DSC2: variants seen among roughly 807,000 people sequenced by gnomAD.
DSC2 encodes the protein desmocollin-2.
DSC2 carries 51 observed loss-of-function variants against 87.6 expected under a neutral mutation model. The ratio of observed to expected loss-of-function variants is 0.58; its 90% CI spans 0.46 to 0.74. The LOEUF is 0.74. Ranked by LOEUF, DSC2 falls within the 30% of genes least tolerant of loss-of-function variation. The pLI, the probability that DSC2 is intolerant of heterozygous loss-of-function variation, is 0.00. For missense variants in DSC2, 1,066 were observed against 1,089.5 expected (o/e 0.98, Z 0.30); for synonymous variants, 383 against 393.2 (o/e 0.97, Z 0.31).
At chr18:31,091,990 CG>C in intron 3 of DSC2, 110 bp downstream of exon 3, 1 of 1,141,870 alleles carries the variant, frequency 8.8e-7, no homozygotes, top group Non-Finnish European at 1.2e-6. Flanking sequence ...GGTTTTCATT[CG>C]TCTTTAAGCC....
chr18:31,068,533 T>C (rs1231991513), intron 15 of DSC2, among the ~76,000 whole-genome samples: 1 of 152,188 alleles, frequency 6.6e-6, no homozygotes, highest in Non-Finnish European at 1.5e-5. Context: ...CAAATTGATA[T>C]GGGCTCAGTT....
intron 5 of DSC2, 149 bp from the exon 6 acceptor site, chr18:31,087,962 T>A: frequency 2.5e-6 from 2 of 800,648 alleles, no homozygotes; most frequent in Non-Finnish European, 4.0e-6. Context: ...TGGATATAAT[T>A]TTAATGCCAA....
At chr18:31,101,831 G>A in intron 1 of DSC2, 72 bp downstream of exon 1, 5 of 511,380 alleles carry the variant, frequency 9.8e-6, no homozygotes, top group Non-Finnish European at 1.1e-5. Context: ...ACCTATCCCC[G>A]TTCCCCTAGT....
chr18:31,093,881 T>TA (rs1033730333), intron 1 of DSC2, among the ~76,000 whole-genome samples: 16 of 150,556 alleles, frequency 1.1e-4, no homozygotes, highest in African/African-American at 3.9e-4. Context: ...TTATTATAAA[T>TA]AAAACATAAA....
chr18:31,091,161 A>G lies in DSC2; in HGVS notation c.355-14T>C. 1.9e-6 allele frequency: 3 copies of G among 1,613,616 alleles called. No homozygotes were observed. Among genetic ancestry groups the G allele is most frequent in the Non-Finnish European group, 2.5e-6 (3 of 1,179,668 alleles). On this transcript the variant is annotated splice_polypyrimidine_tract_variant and intron_variant, in intron 3 of 15. Coordinates refer to ENST00000280904, the MANE Select transcript of DSC2 (RefSeq NM_024422.6). ...TTTCTTTAGGACCTCAATTCATAAGACAGGAAAAAATAATAAAGTCAATGA... is the reference window on the plus strand; with the variant it reads ...TTTCTTTAGGACCTCAATTCATAAGGCAGGAAAAAATAATAAAGTCAATGA...
At chr18:31,101,820 C>CCCAAA in intron 1 of DSC2, 83 bp downstream of exon 1, 2 of 1,409,788 alleles carry the variant, frequency 1.4e-6, no homozygotes, top group Non-Finnish European at 1.9e-6. Context: ...CCGCCACCCC[C>CCCAAA]ACCTATCCCC....
At chr18:31,079,030 C>T (rs1418550505) in intron 11 of DSC2, among the ~76,000 whole-genome samples, 2 of 151,594 alleles carry the variant, frequency 1.3e-5, no homozygotes, top group Non-Finnish European at 1.5e-5. Flanking sequence ...ATAAATATAC[C>T]ATGATTTATT....
chr18:31,098,284 A>G (rs1161292507), intron 1 of DSC2, among the ~76,000 whole-genome samples: 1 of 152,116 alleles, frequency 6.6e-6, no homozygotes, highest in Non-Finnish European at 1.5e-5. Flanking sequence ...AACATATTTT[A>G]CATTTAAATC....
At chr18:31,074,613 T>C (rs186907843) in intron 12 of DSC2, 70 bp downstream of exon 12, 596 of 1,394,892 alleles carry the variant, frequency 4.3e-4, no homozygotes, top group Non-Finnish European at 5.6e-4. Context: ...TCCTATTTCA[T>C]ACAAAAAAAA....
chr18:31,097,515 A>G lies in DSC2; in HGVS notation c.70-3872T>C, dbSNP rs951592379. On this transcript the variant is annotated intron_variant, in intron 1 of 15. Transcript: ENST00000280904. ...TTTGATACCAATAAAAACCTCCATA[A>G]AATTTTCTCTGGAACTAAACAAGCT... Among the ~76,000 whole-genome samples, 9 of 151,926 alleles carry G rather than the reference A, an allele frequency of 5.9e-5. No homozygotes were observed. The East Asian group carries it at 1.7e-3, about 29-fold the overall frequency.
chr18:31,059,149 C>G lies in DSC2; in HGVS notation c.*8866G>C, dbSNP rs769898140. 1 of 152,094 alleles carries G rather than the reference C, an allele frequency of 6.6e-6. No individual in the cohort carries two copies. Among genetic ancestry groups the G allele is most frequent in the African/African-American group, 2.4e-5 (1 of 41,388 alleles). The allele number at this position is 152,094 out of a possible 1,614,324, so 9.4% of individuals were successfully genotyped here. On this transcript the variant is annotated 3_prime_UTR_variant, in exon 16 of 16. Transcript: ENST00000280904. The stretch of plus-strand genomic sequence containing the variant: ...GCTCTGTTAGGTTGCATGGAGAATG[C>G]GATGCATTGTGCAAAGATTAACTGT...
rs767611804 is a variant in DSC2 at position 31,070,798 on chromosome 18, T to C, written c.2178A>G (p.Lys726=). The change falls in exon 14 of 16, where the codon AAA becomes AAG. Residue 726 remains lysine (K), a synonymous_variant. Coordinates refer to ENST00000280904, the MANE Select transcript of DSC2 (RefSeq NM_024422.6). The part of the protein sequence containing the change: ...CGASGTSKQP[K]VIPDDLAQQN... The stretch of plus-strand genomic sequence containing the variant: ...GCTGGGCTAAATCATCAGGAATTAC[T>C]TTTGGTTGTTTAGACGTCCCAGAAG... The C allele has an allele frequency of 6.2e-7, 1 of 1,613,884 alleles. No individual in the cohort carries two copies. Among genetic ancestry groups the C allele is most frequent in the African/African-American group, 1.3e-5 (1 of 74,922 alleles).
intron 11 of DSC2, among the ~76,000 whole-genome samples, chr18:31,075,865 A>G (rs1567975122): frequency 7.0e-6 from 1 of 143,360 alleles, no homozygotes; most frequent in East Asian, 1.9e-4. Context: ...CGAAAAAAAG[A>G]AAGAAAAGAA....
chr18:31,077,395 T>C (rs936480197), intron 11 of DSC2, among the ~76,000 whole-genome samples: 6 of 152,218 alleles, frequency 3.9e-5, no homozygotes, highest in African/African-American at 1.4e-4. Context: ...TGAGAGCACA[T>C]GCCTTACCTA....
intron 12 of DSC2, among the ~76,000 whole-genome samples, chr18:31,072,371 T>C (rs1472161055): frequency 6.6e-6 from 1 of 152,196 alleles, no homozygotes; most frequent in African/African-American, 2.4e-5. Context: ...AGGTCATGAG[T>C]CACACAGCTG....
intron 1 of DSC2, among the ~76,000 whole-genome samples, chr18:31,098,660 C>T (rs1414890537): frequency 6.6e-6 from 1 of 151,736 alleles, no homozygotes; most frequent in African/African-American, 2.4e-5. Context: ...TTGCCATGTT[C>T]CCCAGTCTGG....
Position 31,059,081 on chromosome 18 carries a change from G to T in DSC2, c.*8934C>A, listed in dbSNP as rs1192714333. On this transcript the variant is annotated 3_prime_UTR_variant, in exon 16 of 16. Transcript: ENST00000280904. ...TAGAGCCCAGATCTGAACCTTGCCT[G>T]TTGGGCCCCAAGGGACCCAAAGTTC... The T allele has an allele frequency of 6.6e-6, 1 of 152,148 alleles. No homozygotes were observed. The highest frequency in any genetic ancestry group is 6.6e-5 in the Admixed American group (1 of 15,266). 9.4% of individuals were successfully genotyped at this position (152,148 alleles called of 1,614,324 possible).
At chr18:31,101,567 C>A (rs1306486471) in intron 1 of DSC2, 4 of 289,956 alleles carry the variant, frequency 1.4e-5, no homozygotes, top group Non-Finnish European at 2.5e-5. Flanking sequence ...CACTCCGACC[C>A]CGGCGCACTC....
chr18:31,080,215 C>T lies in DSC2; in HGVS notation c.1401G>A (p.Glu467=), dbSNP rs977781359. 2.9e-5 allele frequency: 46 copies of T among 1,613,930 alleles called. No homozygotes were observed. The highest frequency in any genetic ancestry group is 3.8e-5 in the Non-Finnish European group (45 of 1,180,014). ...TVTVNVEDQD[E]GPECNPPIQT... is the part of the protein sequence containing the mutation. ...GTATTGGAGGGTTACACTCAGGGCCCTCATCCTGATCTTCTACATTAACAG... is the reference window on the plus strand; with the variant it reads ...GTATTGGAGGGTTACACTCAGGGCCTTCATCCTGATCTTCTACATTAACAG... Residue 467 remains glutamate, a synonymous_variant, in exon 10 of 16, where the codon GAG becomes GAA. Coordinates refer to ENST00000280904, the MANE Select transcript of DSC2 (RefSeq NM_024422.6).
Sources: gnomAD v4.1 joint callset for allele counts (sites outside exome capture counted in the v4.1 genomes callset) on GRCh38, gnomAD v4.1.1 for gene constraint, MANE v1.5 for transcripts, NCBI Gene and HGNC (gene_info 2026-07-23, HGNC 2026-07-21) for gene names.